CTNNA3: variants seen among roughly 807,000 people sequenced by gnomAD.
CTNNA3 encodes the protein catenin alpha-3.
A neutral mutation model predicts 95.7 loss-of-function variants in CTNNA3; 76 were observed. The observed-to-expected ratio is 0.79, with a 90% CI of 0.66 to 0.96. The LOEUF (loss-of-function observed/expected upper bound fraction) is 0.96, where lower values mean the gene tolerates loss of function less well. Ranked by LOEUF, CTNNA3 falls within the 40% of genes least tolerant of loss-of-function variation. CTNNA3 has a pLI of 0.00. For missense variants in CTNNA3, 1,191 were observed against 1,089.8 expected, an observed-to-expected ratio of 1.09 and a Z score of -1.31; for synonymous variants, 431 against 374.4, an observed-to-expected ratio of 1.15 and a Z score of -1.74.
At chr10:66,945,340 T>A (rs1848222606) in intron 7 of CTNNA3, among the ~76,000 whole-genome samples, 1 of 152,234 alleles carries the variant, frequency 6.6e-6, no homozygotes, top group Non-Finnish European at 1.5e-5. Flanking sequence ...ACTTTTATGT[T>A]ATGAAGATGG....
chr10:66,035,903 T>G (rs1338217552), intron 15 of CTNNA3, among the ~76,000 whole-genome samples: 1 of 152,130 alleles, frequency 6.6e-6, no homozygotes, highest in Non-Finnish European at 1.5e-5. Context: ...AGGAGAAATA[T>G]AAATTTATGA....
chr10:66,209,871 A>G (rs1482882594), intron 13 of CTNNA3, among the ~76,000 whole-genome samples: 3 of 152,154 alleles, frequency 2.0e-5, no homozygotes, highest in Admixed American at 6.6e-5. Context: ...ATAGTGTTTA[A>G]CATAAACATT....
At chr10:67,431,173 T>C (rs912863139) in intron 5 of CTNNA3, among the ~76,000 whole-genome samples, 14 of 152,076 alleles carry the variant, frequency 9.2e-5, no homozygotes, top group African/African-American at 3.4e-4. Context: ...ACTATATTAA[T>C]TTTTCTTCTG....
chr10:66,471,099 A>G (rs1357380815), intron 11 of CTNNA3, among the ~76,000 whole-genome samples: 1 of 151,882 alleles, frequency 6.6e-6, no homozygotes, highest in Admixed American at 6.6e-5. Context: ...AATATGCAAC[A>G]TCCCCCATTG....
chr10:66,515,345 C>CTCTCTCTCTATA (rs558913767), intron 11 of CTNNA3, among the ~76,000 whole-genome samples: 2,261 of 148,972 alleles, frequency 0.015, 46 homozygotes, highest in African/African-American at 0.043. Context: ...CTCTCTCTCT[C>CTCTCTCTCTATA]TATATATATA....
At chr10:66,569,757 A>G (rs931885113) in intron 10 of CTNNA3, among the ~76,000 whole-genome samples, 2 of 152,116 alleles carry the variant, frequency 1.3e-5, no homozygotes, top group African/African-American at 4.8e-5. Flanking sequence ...TATGGCTACA[A>G]ATCACCCACG....
intron 7 of CTNNA3, among the ~76,000 whole-genome samples, chr10:67,116,423 T>C (rs1379745274): frequency 6.6e-6 from 1 of 151,964 alleles, no homozygotes; most frequent in Non-Finnish European, 1.5e-5. Context: ...GCTTCTCTAG[T>C]AATGCCTCCC....
At chr10:66,001,963 C>T (rs1012059800) in intron 15 of CTNNA3, among the ~76,000 whole-genome samples, 3 of 151,890 alleles carry the variant, frequency 2.0e-5, no homozygotes, top group Non-Finnish European at 4.4e-5. Flanking sequence ...TAGTTGTTAT[C>T]GTTTAAAGTT....
At chr10:67,179,576 C>T (rs995111962) in intron 7 of CTNNA3, among the ~76,000 whole-genome samples, 71 of 151,396 alleles carry the variant, frequency 4.7e-4, no homozygotes, top group African/African-American at 1.7e-3. Context: ...TGCCTGTAAT[C>T]CCAGCACTTT....
chr10:66,350,203 C>A (rs938969468), intron 12 of CTNNA3, among the ~76,000 whole-genome samples: 2 of 152,028 alleles, frequency 1.3e-5, no homozygotes, highest in Non-Finnish European at 2.9e-5. Flanking sequence ...TCTTAATTGG[C>A]TCTTCTGTGA....
chr10:66,954,312 T>C (rs912453824), intron 7 of CTNNA3, among the ~76,000 whole-genome samples: 6 of 152,214 alleles, frequency 3.9e-5, no homozygotes, highest in African/African-American at 1.4e-4. Context: ...AAATTTGTTC[T>C]GTGTCTAGTT....
chr10:66,804,027 G>A (rs1057256060), intron 7 of CTNNA3, among the ~76,000 whole-genome samples: 1 of 150,844 alleles, frequency 6.6e-6, no homozygotes, highest in African/African-American at 2.4e-5. Context: ...TGTTGCCACT[G>A]ACATTTGTGA....
intron 1 of CTNNA3, among the ~76,000 whole-genome samples, chr10:67,754,585 T>C (rs888315894): frequency 6.6e-6 from 1 of 152,156 alleles, no homozygotes; most frequent in South Asian, 2.1e-4. Flanking sequence ...CTAGTATTAA[T>C]AGAAGAAAAC....
intron 11 of CTNNA3, among the ~76,000 whole-genome samples, chr10:66,430,651 G>GCT (rs1564955592): frequency 6.6e-6 from 1 of 152,050 alleles, no homozygotes; most frequent in African/African-American, 2.4e-5. Context: ...AAGAAATGAG[G>GCT]AAAGGATTCC....
intron 5 of CTNNA3, among the ~76,000 whole-genome samples, chr10:67,373,684 GAGTTGTAT>G (rs1359971747): frequency 6.6e-6 from 1 of 152,124 alleles, no homozygotes; most frequent in Non-Finnish European, 1.5e-5. Flanking sequence ...AGCTACAGAG[GAGTTGTAT>G]AGTTGTTACT....
intron 7 of CTNNA3, among the ~76,000 whole-genome samples, chr10:67,146,448 T>C (rs1236230764): frequency 6.6e-6 from 1 of 152,150 alleles, no homozygotes; most frequent in African/African-American, 2.4e-5. Flanking sequence ...AGACGAACAT[T>C]TTTACAAAAA....
intron 5 of CTNNA3, among the ~76,000 whole-genome samples, chr10:67,401,604 A>T (rs1174846937): frequency 1.3e-5 from 2 of 152,158 alleles, no homozygotes; most frequent in Admixed American, 1.3e-4. Context: ...CCGTGGCCCC[A>T]AAGACCTAAT....
rs1840883987 is a variant in CTNNA3, at chr10:67,547,558, A to G, written c.293-7889T>C. 2.0e-5 allele frequency among the ~76,000 whole-genome samples: 3 copies of G among 152,198 alleles called. No homozygotes were observed. The South Asian group carries it at 6.2e-4, about 31-fold the overall frequency. ...ACTACAGCTGTTAATCAGTAAGGTC[A>G]AATTTGGCCCTATTGATATGCTCCT... On this transcript the variant is annotated intron_variant, in intron 3 of 17. Transcript: ENST00000433211.
chr10:67,001,329 A>G (rs1851680696), intron 7 of CTNNA3, among the ~76,000 whole-genome samples: 1 of 151,236 alleles, frequency 6.6e-6, no homozygotes. Context: ...AAAAGAGAAA[A>G]AAATTAAATA....
Sources: gnomAD v4.1 joint callset for allele counts (sites outside exome capture counted in the v4.1 genomes callset) on GRCh38, gnomAD v4.1.1 for gene constraint, MANE v1.5 for transcripts, NCBI Gene and HGNC (gene_info 2026-07-23, HGNC 2026-07-21) for gene names.